Variants in KAT6B observed in about 807,000 individuals in gnomAD.
The protein encoded by KAT6B is lysine acetyltransferase 6B.
Under a neutral mutation model 187.5 loss-of-function variants are expected in KAT6B, and 10 were observed. The ratio of observed to expected loss-of-function variants is 0.05; its 90% CI spans 0.03 to 0.09. The LOEUF (loss-of-function observed/expected upper bound fraction) is 0.09. Ranked by LOEUF, KAT6B falls within the 10% of genes least tolerant of loss-of-function variation. The pLI is 1.00. For synonymous variants in KAT6B, 861 were observed against 926.8 expected, an observed-to-expected ratio of 0.93 and a Z score of 1.29; for missense variants, 1,952 against 2,558.9, an observed-to-expected ratio of 0.76 and a Z score of 5.12.
intron 3 of KAT6B, among the ~76,000 whole-genome samples, chr10:74,864,385 C>T (rs550402122): frequency 2.0e-5 from 3 of 152,240 alleles, no homozygotes; most frequent in Non-Finnish European, 2.9e-5. Context: ...GGATTACAGG[C>T]GTGCTCCACT....
At chr10:74,944,808 CAAAAA>C (rs58164194) in intron 3 of KAT6B, among the ~76,000 whole-genome samples, 2 of 32,894 alleles carry the variant, frequency 6.1e-5, no homozygotes, top group African/African-American at 1.0e-4. Flanking sequence ...GACTCCGTCT[CAAAAA>C]AAAAAAAAAA....
chr10:74,837,553 A>G (rs1434588249), intron 1 of KAT6B, among the ~76,000 whole-genome samples: 1 of 152,228 alleles, frequency 6.6e-6, no homozygotes. Flanking sequence ...GGATAATTCC[A>G]AATCAGGAAA....
chr10:74,826,132 GT>G (rs1471155984), upstream of KAT6B, among the ~76,000 whole-genome samples: 7 of 148,330 alleles, frequency 4.7e-5, no homozygotes, highest in Admixed American at 1.3e-4. Context: ...GGGCTAGGGG[GT>G]TTGGGGTTGA....
chr10:74,847,811 G>A (rs777327521), intron 3 of KAT6B, among the ~76,000 whole-genome samples: 5 of 151,856 alleles, frequency 3.3e-5, no homozygotes, highest in Admixed American at 2.0e-4. Flanking sequence ...GAAATTCTTA[G>A]CCCGGGATCC....
chr10:74,973,947 A>C (rs1378081356), intron 7 of KAT6B, among the ~76,000 whole-genome samples: 1 of 152,214 alleles, frequency 6.6e-6, no homozygotes. Flanking sequence ...ATCTGGCACC[A>C]ATCCTAACTT....
intron 4 of KAT6B, among the ~76,000 whole-genome samples, chr10:74,967,198 C>T (rs1012863702): frequency 2.0e-5 from 3 of 151,460 alleles, no homozygotes; most frequent in East Asian, 3.9e-4. Flanking sequence ...GGCATAGTGG[C>T]GGGCGCCTCT....
intron 3 of KAT6B, among the ~76,000 whole-genome samples, chr10:74,882,216 T>C (rs752490885): frequency 6.6e-6 from 1 of 152,238 alleles, no homozygotes; most frequent in Non-Finnish European, 1.5e-5. Flanking sequence ...AGATTCCTCT[T>C]ATTCTTCCTC....
intron 3 of KAT6B, among the ~76,000 whole-genome samples, chr10:74,898,917 G>C (rs938391069): frequency 6.6e-6 from 1 of 151,430 alleles, no homozygotes; most frequent in Non-Finnish European, 1.5e-5. Flanking sequence ...CTGGGAGGCT[G>C]AGGTGGGTGG....
intron 3 of KAT6B, among the ~76,000 whole-genome samples, chr10:74,923,896 G>T (rs575599225): frequency 6.6e-6 from 1 of 152,196 alleles, no homozygotes; most frequent in African/African-American, 2.4e-5. Flanking sequence ...CGGCACCAAG[G>T]TGGCAGCTGG....
intron 3 of KAT6B, among the ~76,000 whole-genome samples, chr10:74,917,814 A>C (rs1847805494): frequency 6.6e-6 from 1 of 152,216 alleles, no homozygotes; most frequent in Non-Finnish European, 1.5e-5. Context: ...CATCATGGAC[A>C]GGCAGGGGCA....
chr10:74,945,889 A>G (rs1415698481), intron 3 of KAT6B, among the ~76,000 whole-genome samples: 1 of 152,190 alleles, frequency 6.6e-6, no homozygotes, highest in Non-Finnish European at 1.5e-5. Context: ...TATTGACTGC[A>G]CTTTTAATTT....
At chr10:75,006,912 C>G (rs1450328978) in intron 13 of KAT6B, among the ~76,000 whole-genome samples, 1 of 151,594 alleles carries the variant, frequency 6.6e-6, no homozygotes, top group African/African-American at 2.4e-5. Context: ...TACTAAAATA[C>G]AAAAAATTAT....
intron 3 of KAT6B, among the ~76,000 whole-genome samples, chr10:74,905,334 C>T (rs1425529211): frequency 6.6e-6 from 1 of 152,196 alleles, no homozygotes; most frequent in African/African-American, 2.4e-5. Flanking sequence ...GGGAAACCGT[C>T]AAGAAATGGG....
rs758083734 is a variant in KAT6B, at chr10:75,029,420, A to G, written c.4596A>G (p.Pro1532=). The G allele has an allele frequency of 3.1e-6, 5 of 1,614,052 alleles. No homozygotes were observed. In the African/African-American group the frequency reaches 6.7e-5, roughly 22 times the overall value. ...ATACAGAGTTCAAAGAGGGAAACCC[A>G]GCAACCATGGAAATCGACTCTGAGA... The part of the protein sequence containing the change: ...EVDTEFKEGN[P]ATMEIDSETV... The change falls in exon 18 of 18, where the codon CCA becomes CCG. Residue 1532 remains proline, a synonymous_variant. Coordinates refer to ENST00000287239, the MANE Select transcript of KAT6B (RefSeq NM_012330.4). This position sits in a 1 kb window ranked among gnomAD's most constrained non-coding sequence, Gnocchi z 6.2.
chr10:74,866,971 A>G (rs139716816), intron 3 of KAT6B, among the ~76,000 whole-genome samples: 10 of 152,360 alleles, frequency 6.6e-5, no homozygotes, highest in African/African-American at 2.4e-4. Context: ...ATTTCAGTGT[A>G]ATGTGTTAGA....
At chr10:74,964,808 A>T (rs951950678) in intron 4 of KAT6B, among the ~76,000 whole-genome samples, 3 of 152,320 alleles carry the variant, frequency 2.0e-5, no homozygotes, top group African/African-American at 7.2e-5. Flanking sequence ...AGTTACACAA[A>T]CTAGACATTT....
At chr10:74,963,848 G>A (rs1841272758) in intron 4 of KAT6B, among the ~76,000 whole-genome samples, 1 of 152,134 alleles carries the variant, frequency 6.6e-6, no homozygotes, top group Non-Finnish European at 1.5e-5. Flanking sequence ...AAGAGGCCAG[G>A]CGCTGTGGCT....
chr10:75,019,066 C>A (rs1218418499), intron 13 of KAT6B, among the ~76,000 whole-genome samples: 3 of 152,200 alleles, frequency 2.0e-5, no homozygotes, highest in Admixed American at 1.3e-4. Flanking sequence ...ACAATATGGG[C>A]TGGCTTCGGC....
chr10:74,829,093 A>G (rs1294366758), intron 1 of KAT6B, among the ~76,000 whole-genome samples: 1 of 152,094 alleles, frequency 6.6e-6, no homozygotes, highest in Non-Finnish European at 1.5e-5. Flanking sequence ...GCTGATGGTC[A>G]TGACACGGTC....
Sources: allele counts gnomAD v4.1 joint callset (sites outside exome capture counted in the v4.1 genomes callset), GRCh38; gene constraint gnomAD v4.1.1; non-coding constraint Gnocchi (gnomAD v3.1); transcripts MANE v1.5; gene names NCBI Gene and HGNC (gene_info 2026-07-23, HGNC 2026-07-21).